Variants in VAV1 observed in about 807,000 individuals in gnomAD.
The protein encoded by VAV1 is vav guanine nucleotide exchange factor 1.
VAV1 carries 33 observed loss-of-function variants against 128.1 expected under a neutral mutation model. The ratio of observed to expected loss-of-function variants is 0.26; its 90% CI spans 0.20 to 0.34. The LOEUF is 0.34. Among genes scored for constraint, VAV1 ranks in the 10% least tolerant of loss-of-function variants. VAV1 has a pLI of 1.00. For missense variants in VAV1, 715 were observed against 1,093.7 expected, an observed-to-expected ratio of 0.65 and a Z score of 4.88; for synonymous variants, 394 against 409.8, an observed-to-expected ratio of 0.96 and a Z score of 0.47.
At chr19:6,836,846 A>G (rs1265544066) in intron 20 of VAV1, 139 bp from the exon 21 acceptor site, 2,171 of 52,868 alleles carry the variant, frequency 0.041, 37 homozygotes, top group Middle Eastern at 0.071. Context: ...ACACACACAC[A>G]CACACACACA....
intron 1 of VAV1, among the ~76,000 whole-genome samples, chr19:6,779,907 C>T (rs1026004485): frequency 4.7e-5 from 7 of 149,134 alleles, no homozygotes; most frequent in East Asian, 1.9e-4. Flanking sequence ...GTCAGGAGAT[C>T]GAGACCATCC....
intron 1 of VAV1, among the ~76,000 whole-genome samples, chr19:6,799,259 C>G (rs1244566086): frequency 6.6e-6 from 1 of 152,106 alleles, no homozygotes. Context: ...CCTCCGCCTC[C>G]CAGGTTCAAG....
intron 22 of VAV1, among the ~76,000 whole-genome samples, chr19:6,844,080 T>C (rs1279413522): frequency 3.7e-5 from 4 of 107,402 alleles, no homozygotes; most frequent in Non-Finnish European, 7.2e-5. Flanking sequence ...TTTTTTTTTT[T>C]TTTTTTTTTT....
chr19:6,849,605 G>T (rs539395084), intron 23 of VAV1, among the ~76,000 whole-genome samples: 1 of 152,192 alleles, frequency 6.6e-6, no homozygotes, highest in South Asian at 2.1e-4. Flanking sequence ...GAGCCACTGT[G>T]CCTGGCCAAT....
intron 1 of VAV1, among the ~76,000 whole-genome samples, chr19:6,799,030 C>G (rs745817637): frequency 2.8e-4 from 42 of 151,644 alleles, no homozygotes; most frequent in South Asian, 6.2e-4. Flanking sequence ...CATCTGTGGT[C>G]TTCTGTGACT....
At chr19:6,819,178 T>C (rs1285653069) in intron 1 of VAV1, among the ~76,000 whole-genome samples, 1 of 152,130 alleles carries the variant, frequency 6.6e-6, no homozygotes, top group Non-Finnish European at 1.5e-5. Context: ...TGTGCTGTTT[T>C]ATATCACAGA....
At chr19:6,829,703 AC>A (rs1972010014) in intron 13 of VAV1, 82 bp from the exon 14 acceptor site, 2 of 1,583,022 alleles carry the variant, frequency 1.3e-6, no homozygotes, top group African/African-American at 2.7e-5. Context: ...GCAGGGTGGG[AC>A]CAGGATGTGG....
At position 6,822,016 on chromosome 19, in the gene VAV1, CCCTGGGGTCTTGGGGGACATGGCACTGT is replaced by C. The variant is rs1472536977; in HGVS notation, c.449+181_450-154del. Reference sequence around the variant, plus strand: ...GAGAGTCTGGGGAGACACAGCCCTGCCCTGGGGTCTTGGGGGACATGGCACTGTCCTGGGGTCTTGGGGGACATGGCCC... The same window carrying C: ...GAGAGTCTGGGGAGACACAGCCCTGCCCTGGGGTCTTGGGGGACATGGCCC... On this transcript the variant is annotated intron_variant, in intron 4 of 26. Transcript: ENST00000602142. This position sits in a 1 kb window ranked among gnomAD's most constrained non-coding sequence, Gnocchi z 5.9. Among the ~76,000 whole-genome samples the C allele has an allele frequency of 2.1e-3, 323 of 152,120 alleles. 1 individual carries two copies. The highest frequency in any genetic ancestry group is 3.4e-3 in the Middle Eastern group (1 of 294).
At chr19:6,837,697 G>A (rs1972255626) in intron 21 of VAV1, among the ~76,000 whole-genome samples, 1 of 152,052 alleles carries the variant, frequency 6.6e-6, no homozygotes, top group Non-Finnish European at 1.5e-5. Flanking sequence ...AGTTTCATCA[G>A]TTCTGTTAAT....
chr19:6,851,094 T>G (rs1972665994), intron 24 of VAV1, among the ~76,000 whole-genome samples: 1 of 151,988 alleles, frequency 6.6e-6, no homozygotes, highest in African/African-American at 2.4e-5. Context: ...CTTACGTATA[T>G]ATACATATGT....
At chr19:6,816,106 G>A (rs1489912010) in intron 1 of VAV1, among the ~76,000 whole-genome samples, 1 of 146,640 alleles carries the variant, frequency 6.8e-6, no homozygotes, top group Non-Finnish European at 1.5e-5. Context: ...TGCAAGCTCC[G>A]CCTCCTGGGT....
chr19:6,781,822 G>A (rs1020502830), intron 1 of VAV1, among the ~76,000 whole-genome samples: 5 of 151,920 alleles, frequency 3.3e-5, no homozygotes, highest in Non-Finnish European at 7.4e-5. Context: ...TGGCCTGGCC[G>A]GTCTCAAACT....
chr19:6,849,777 GGCTGTATA>G (rs1972620207), intron 23 of VAV1, among the ~76,000 whole-genome samples: 1 of 152,122 alleles, frequency 6.6e-6, no homozygotes, highest in Non-Finnish European at 1.5e-5. Flanking sequence ...TCTTCTTTAT[GGCTGTATA>G]GTAGTCCATA....
chr19:6,850,183 G>C (rs1397553552), intron 23 of VAV1, among the ~76,000 whole-genome samples: 1 of 117,826 alleles, frequency 8.5e-6, no homozygotes, highest in East Asian at 2.5e-4. Flanking sequence ...AACATTTCTA[G>C]TGTTTTTTTA....
intron 1 of VAV1, among the ~76,000 whole-genome samples, chr19:6,814,756 C>A (rs926337168): frequency 7.3e-6 from 1 of 136,794 alleles, no homozygotes; most frequent in Non-Finnish European, 1.6e-5. Context: ...TCTTGTCTTG[C>A]AGTACAGGCT....
chr19:6,828,687 C>T lies in VAV1; in HGVS notation c.1158C>T (p.Phe386=), dbSNP rs756024601. 2.5e-6 allele frequency: 4 copies of T among 1,614,180 alleles called. No individual in the cohort carries two copies. Among genetic ancestry groups the T allele is most frequent in the East Asian group, 4.5e-5 (2 of 44,880 alleles). Reference sequence around the variant, plus strand: ...AGACACTGCGACAGATCACCAATTTCCAGCTGTCCATTGAGAACCTGGTGA... The same window carrying T: ...AGACACTGCGACAGATCACCAATTTTCAGCTGTCCATTGAGAACCTGGTGA... The part of the protein sequence containing the change: ...DNETLRQITN[F]QLSIENLDQS... Residue 386 remains phenylalanine, a synonymous_variant, in exon 12 of 27, where the codon TTC becomes TTT. Transcript: ENST00000602142. This position sits in a 1 kb window ranked among gnomAD's most constrained non-coding sequence, Gnocchi z 4.5.
At chr19:6,856,714 ACT>A (rs1972812313) in intron 26 of VAV1, among the ~76,000 whole-genome samples, 1 of 148,148 alleles carries the variant, frequency 6.8e-6, no homozygotes, top group South Asian at 2.1e-4. Context: ...GCAGAGTGAG[ACT>A]CTGTCTCAAA....
In VAV1 at chr19:6,832,297, G is replaced by A. The variant is rs1972078684; in HGVS notation, c.1508+97G>A. The stretch of plus-strand genomic sequence containing the variant: ...TCCCTACTCTGTCCTGACATGCCAT[G>A]GGACCACTCTGAACCACAGTCTCTT... On this transcript the variant is annotated intron_variant, in intron 15 of 26. Coordinates refer to ENST00000602142, the MANE Select transcript of VAV1 (RefSeq NM_005428.4). 3.4e-6 allele frequency: 4 copies of A among 1,162,212 alleles called. No homozygotes were observed. In the Admixed American group the frequency reaches 8.3e-5, roughly 24 times the overall value. The allele number at this position is 1,162,212 out of a possible 1,614,324, so 72.0% of individuals were successfully genotyped here.
chr19:6,805,600 A>ACACACACACACACT (rs1248906982), intron 1 of VAV1, among the ~76,000 whole-genome samples: 1 of 150,970 alleles, frequency 6.6e-6, no homozygotes, highest in Non-Finnish European at 1.5e-5. Context: ...ACACACACAC[A>ACACACACACACACT]CACACACACA....
Sources: gnomAD v4.1 joint callset for allele counts (sites outside exome capture counted in the v4.1 genomes callset) on GRCh38, gnomAD v4.1.1 for gene constraint, Gnocchi (gnomAD v3.1) non-coding constraint, MANE v1.5 for transcripts, NCBI Gene and HGNC (gene_info 2026-07-23, HGNC 2026-07-21) for gene names.